The following UNC5D variants were observed in gnomAD, a reference collection of about 807,000 sequenced individuals.
UNC5D encodes unc-5 netrin receptor D.
In UNC5D, 39 loss-of-function variants were observed where a neutral mutation model predicts 105.4. The observed-to-expected ratio is 0.37, with a 90% CI of 0.29 to 0.48. UNC5D has a LOEUF of 0.48. Among genes scored for constraint, UNC5D ranks in the 20% least tolerant of loss-of-function variants. UNC5D has a pLI of 0.98. For synonymous variants in UNC5D, 452 were observed against 450.4 expected, an observed-to-expected ratio of 1.00 and a Z score of -0.04; for missense variants, 991 against 1,202.4, an observed-to-expected ratio of 0.82 and a Z score of 2.60.
intron 1 of UNC5D, among the ~76,000 whole-genome samples, chr8:35,258,333 T>G (rs528981912): frequency 6.6e-6 from 1 of 152,360 alleles, no homozygotes; most frequent in South Asian, 2.1e-4. Flanking sequence ...GGGGATTAAA[T>G]TTCAACATGA....
At chr8:35,739,958 A>G (rs1829673267) in intron 11 of UNC5D, among the ~76,000 whole-genome samples, 1 of 152,146 alleles carries the variant, frequency 6.6e-6, no homozygotes, top group South Asian at 2.1e-4. Context: ...AACCATAACA[A>G]CCTCCAGGAC....
chr8:35,543,265 A>T (rs1180565434), intron 1 of UNC5D, among the ~76,000 whole-genome samples: 1 of 152,150 alleles, frequency 6.6e-6, no homozygotes, highest in African/African-American at 2.4e-5. Context: ...GGAGAAAAAA[A>T]GTGATATGTA....
chr8:35,286,064 G>A (rs1806574374), intron 1 of UNC5D, among the ~76,000 whole-genome samples: 1 of 152,126 alleles, frequency 6.6e-6, no homozygotes, highest in African/African-American at 2.4e-5. Context: ...AAGCTGTTTG[G>A]CAGTTAGGAC....
intron 15 of UNC5D, among the ~76,000 whole-genome samples, chr8:35,773,441 A>C (rs1008959698): frequency 2.2e-4 from 33 of 152,200 alleles, no homozygotes; most frequent in Non-Finnish European, 4.7e-4. Flanking sequence ...AAATAAAGAT[A>C]CTTATTATAA....
intron 1 of UNC5D, among the ~76,000 whole-genome samples, chr8:35,371,176 GCACA>G (rs10563262): frequency 0.46 from 68,538 of 149,130 alleles, 15,838 homozygotes; most frequent in East Asian, 0.69. Context: ...TTGTGCCACT[GCACA>G]CACACACACA....
At chr8:35,742,801 CA>C in intron 11 of UNC5D, among the ~76,000 whole-genome samples, 1 of 152,148 alleles carries the variant, frequency 6.6e-6, no homozygotes, top group Non-Finnish European at 1.5e-5. Flanking sequence ...AGCTGACCTT[CA>C]ACATGACCTC....
intron 7 of UNC5D, among the ~76,000 whole-genome samples, chr8:35,698,773 A>G (rs73583045): frequency 0.057 from 8,602 of 152,202 alleles, 489 homozygotes; most frequent in African/African-American, 0.13. Flanking sequence ...ATTTTTAAAC[A>G]ATTTTTAAAT....
At chr8:35,543,779 C>T (rs1480302264) in intron 1 of UNC5D, among the ~76,000 whole-genome samples, 2 of 152,130 alleles carry the variant, frequency 1.3e-5, no homozygotes, top group Non-Finnish European at 2.9e-5. Context: ...CTAACACACC[C>T]ATCCTGATCT....
At chr8:35,773,021 C>T (rs1802078990) in intron 15 of UNC5D, among the ~76,000 whole-genome samples, 2 of 152,124 alleles carry the variant, frequency 1.3e-5, no homozygotes, top group Admixed American at 1.3e-4. Flanking sequence ...AGACCTATCT[C>T]TTCTCATTTG....
intron 1 of UNC5D, among the ~76,000 whole-genome samples, chr8:35,379,900 A>G (rs1802918030): frequency 2.0e-5 from 3 of 151,990 alleles, no homozygotes; most frequent in Non-Finnish European, 2.9e-5. Flanking sequence ...ATACATTTTT[A>G]TATATCGTCT....
intron 1 of UNC5D, among the ~76,000 whole-genome samples, chr8:35,465,697 T>C (rs560851541): frequency 3.0e-4 from 46 of 152,296 alleles, no homozygotes; most frequent in African/African-American, 1.0e-3. Context: ...TCCTAATCCC[T>C]GAAACCTGTG....
At chr8:35,534,577 C>T (rs543534974) in intron 1 of UNC5D, among the ~76,000 whole-genome samples, 103 of 151,488 alleles carry the variant, frequency 6.8e-4, no homozygotes, top group African/African-American at 2.4e-3. Flanking sequence ...TCTACATTTA[C>T]TTCAAGATCA....
chr8:35,324,640 C>CAT (rs1810017456), intron 1 of UNC5D, among the ~76,000 whole-genome samples: 2 of 152,092 alleles, frequency 1.3e-5, no homozygotes, highest in African/African-American at 4.8e-5. Context: ...GAATAAAAGA[C>CAT]ATATAGTCAA....
intron 4 of UNC5D, among the ~76,000 whole-genome samples, chr8:35,611,935 C>A (rs925981634): frequency 6.6e-6 from 1 of 152,178 alleles, no homozygotes; most frequent in African/African-American, 2.4e-5. Flanking sequence ...TCTCAATAAA[C>A]CCTGATTTAC....
chr8:35,733,425 G>T (rs1829298945), intron 11 of UNC5D, among the ~76,000 whole-genome samples: 1 of 152,102 alleles, frequency 6.6e-6, no homozygotes, highest in Non-Finnish European at 1.5e-5. Context: ...TTCACTTTGG[G>T]CTGTACGTCT....
chr8:35,645,527 CTG>C (rs374310163), intron 4 of UNC5D, among the ~76,000 whole-genome samples: 1,591 of 144,826 alleles, frequency 0.011, 16 homozygotes, highest in African/African-American at 0.029. Flanking sequence ...TGTGTGTGTG[CTG>C]TGTGTGTGTG....
intron 1 of UNC5D, among the ~76,000 whole-genome samples, chr8:35,317,733 G>T (rs542214494): frequency 7.9e-5 from 12 of 151,998 alleles, no homozygotes; most frequent in Admixed American, 6.6e-4. Flanking sequence ...CATATTTTAC[G>T]TGACGTAAAT....
At chr8:35,378,830 G>A (rs1198573602) in intron 1 of UNC5D, among the ~76,000 whole-genome samples, 1 of 152,194 alleles carries the variant, frequency 6.6e-6, no homozygotes, top group Non-Finnish European at 1.5e-5. Flanking sequence ...TGGAACAGGT[G>A]TGGTCTAGAA....
At chr8:35,780,113 A>G (rs1166468579) in intron 16 of UNC5D, among the ~76,000 whole-genome samples, 1 of 152,150 alleles carries the variant, frequency 6.6e-6, no homozygotes, top group Admixed American at 6.5e-5. Context: ...CAGATAAATG[A>G]TGTCTTATTA....
Sources: gnomAD v4.1 joint callset for allele counts (sites outside exome capture counted in the v4.1 genomes callset) on GRCh38, gnomAD v4.1.1 for gene constraint, MANE v1.5 for transcripts, NCBI Gene and HGNC (gene_info 2026-07-23, HGNC 2026-07-21) for gene names.